Variants in MERTK observed in about 807,000 individuals in gnomAD.
The protein encoded by MERTK is tyrosine-protein kinase Mer.
Under a neutral mutation model 99.3 loss-of-function variants are expected in MERTK, and 69 were observed. The ratio of observed to expected loss-of-function variants is 0.70; its 90% CI spans 0.57 to 0.85. MERTK has a LOEUF of 0.85. Among genes scored for constraint, MERTK ranks in the 40% least tolerant of loss-of-function variants. The pLI is 0.00. For missense variants in MERTK, 1,125 were observed against 1,249.4 expected, an observed-to-expected ratio of 0.90 and a Z score of 1.50; for synonymous variants, 426 against 467.6, an observed-to-expected ratio of 0.91 and a Z score of 1.15.
intron 1 of MERTK, among the ~76,000 whole-genome samples, chr2:111,921,170 G>A (rs1019866590): frequency 6.6e-6 from 1 of 152,118 alleles, no homozygotes; most frequent in African/African-American, 2.4e-5. Flanking sequence ...CACTGGTCTA[G>A]GTTCTGCGTT....
intron 6 of MERTK, among the ~76,000 whole-genome samples, chr2:111,969,805 C>T (rs1676054249): frequency 6.6e-6 from 1 of 151,836 alleles, no homozygotes; most frequent in Non-Finnish European, 1.5e-5. Flanking sequence ...CATTCTCCTG[C>T]CTCAGCCTCC....
At chr2:111,926,575 A>G (rs1684571746) in intron 1 of MERTK, among the ~76,000 whole-genome samples, 1 of 147,440 alleles carries the variant, frequency 6.8e-6, no homozygotes, top group Non-Finnish European at 1.5e-5. Flanking sequence ...AAAAATACAC[A>G]GATTAGCCGG....
chr2:111,939,223 G>A (rs1418083837), intron 2 of MERTK, among the ~76,000 whole-genome samples: 1 of 152,106 alleles, frequency 6.6e-6, no homozygotes, highest in African/African-American at 2.4e-5. Flanking sequence ...GCATCACACG[G>A]CGAGGGGGCT....
chr2:111,946,989 C>T (rs972897784), intron 3 of MERTK, among the ~76,000 whole-genome samples: 5 of 152,156 alleles, frequency 3.3e-5, no homozygotes, highest in African/African-American at 9.7e-5. Flanking sequence ...CTCTTGTTTG[C>T]CAAGGCTGGG....
chr2:111,917,038 A>G (rs184380663), intron 1 of MERTK, among the ~76,000 whole-genome samples: 4 of 152,218 alleles, frequency 2.6e-5, no homozygotes, highest in African/African-American at 7.2e-5. Flanking sequence ...TTCTGTTCCA[A>G]TTCTTCCCCA....
intron 3 of MERTK, among the ~76,000 whole-genome samples, chr2:111,946,797 G>A (rs1374382984): frequency 1.3e-5 from 2 of 152,216 alleles, no homozygotes. Context: ...TGTAAGAACT[G>A]CCTGTGGCCT....
intron 5 of MERTK, among the ~76,000 whole-genome samples, chr2:111,967,174 C>G (rs1365053794): frequency 6.6e-6 from 1 of 152,198 alleles, no homozygotes; most frequent in African/African-American, 2.4e-5. Context: ...TTGAGGGACA[C>G]AAGCTCCAGG....
chr2:111,992,750 CAAA>C (rs35097651), intron 8 of MERTK, among the ~76,000 whole-genome samples: 11 of 104,634 alleles, frequency 1.1e-4, no homozygotes, highest in Admixed American at 2.1e-4. Flanking sequence ...GACTCCGTCT[CAAA>C]AAAAAAAAAA....
At chr2:111,976,090 T>G (rs1235165066) in intron 7 of MERTK, among the ~76,000 whole-genome samples, 1 of 152,222 alleles carries the variant, frequency 6.6e-6, no homozygotes, top group African/African-American at 2.4e-5. Flanking sequence ...ATACTTATAT[T>G]TACCAGTTTA....
At chr2:111,982,781 T>C in intron 7 of MERTK, 61 bp from the exon 8 acceptor site, 1 of 1,576,516 alleles carries the variant, frequency 6.3e-7, no homozygotes, top group Non-Finnish European at 8.7e-7. Flanking sequence ...AAAACCCAGA[T>C]GAGAATACAT....
chr2:111,899,170 G>A (rs1683988736), intron 1 of MERTK, among the ~76,000 whole-genome samples: 1 of 152,218 alleles, frequency 6.6e-6, no homozygotes, highest in South Asian at 2.1e-4. Flanking sequence ...GATGCGACGA[G>A]AACTTTCCAC....
At position 111,945,075 on chromosome 2, in the gene MERTK, C is replaced by T. The variant is rs1233358952; in HGVS notation, c.583+15C>T. Reference sequence around the variant, plus strand: ...CGAAGTACAAGGTAAGTCCACAGACCAGAGTCCCATTGCCAGAGAACTGTT... The same window carrying T: ...CGAAGTACAAGGTAAGTCCACAGACTAGAGTCCCATTGCCAGAGAACTGTT... On this transcript the variant is annotated intron_variant, in intron 3 of 18. Coordinates refer to ENST00000295408, the MANE Select transcript of MERTK (RefSeq NM_006343.3). 6.3e-7 allele frequency: 1 copy of T among 1,587,158 alleles called. No homozygotes were observed. Among genetic ancestry groups the T allele is most frequent in the Non-Finnish European group, 8.7e-7 (1 of 1,156,016 alleles).
At position 112,003,092 on chromosome 2, in the gene MERTK, T is replaced by C. The variant is rs200794038; in HGVS notation, c.1691T>C (p.Leu564Ser). The change falls in exon 12 of 19, where the codon TTA becomes TCA. Residue 564 changes from leucine to serine, a missense_variant and splice_region_variant. Transcript: ENST00000295408. ...SFCRRAIELT[L>S]HSLGVSEELQ... is the part of the protein sequence containing the mutation. ...ACATACTATGTTACTCCTTTTTCAG[T>C]ACATAGCTTGGGAGTCAGTGAGGAA... The C allele has an allele frequency of 1.6e-5, 23 of 1,470,904 alleles. No homozygotes were observed. The East Asian group carries it at 4.3e-4, about 28-fold the overall frequency. 91.1% of individuals were successfully genotyped at this position (1,470,904 alleles called of 1,614,324 possible). A position where few individuals can be genotyped will look rare whatever the true frequency, so the allele number is the denominator to read the frequency against.
At chr2:111,981,386 G>A (rs1676368219) in intron 7 of MERTK, among the ~76,000 whole-genome samples, 1 of 152,042 alleles carries the variant, frequency 6.6e-6, no homozygotes, top group African/African-American at 2.4e-5. Flanking sequence ...GAGGTAGTAA[G>A]TATTCCATTG....
intron 10 of MERTK, among the ~76,000 whole-genome samples, chr2:111,999,624 A>G (rs1389008900): frequency 1.3e-5 from 2 of 152,216 alleles, no homozygotes; most frequent in Admixed American, 1.3e-4. Context: ...AATTTTACAG[A>G]AACATTGAGA....
intron 4 of MERTK, among the ~76,000 whole-genome samples, chr2:111,958,010 G>A (rs1685181603): frequency 2.0e-5 from 3 of 152,166 alleles, no homozygotes; most frequent in Admixed American, 2.0e-4. Context: ...ATCTGTCAGA[G>A]CTGTGTCATA....
rs753090513 is a variant in MERTK, at chr2:112,001,278, A to G, written c.1682A>G (p.Glu561Gly). ...AKKSFCRRAI[E>G]LTLHSLGVSE... ...AAATCCTTCTGTCGGCGAGCCATTGAACTTACCTGTAAGTTGACTTTCATT... is the reference window on the plus strand; with the variant it reads ...AAATCCTTCTGTCGGCGAGCCATTGGACTTACCTGTAAGTTGACTTTCATT... The change falls in exon 11 of 19, where the codon GAA (glutamate) becomes GGA (glycine). Residue 561 changes from glutamate to glycine, a missense_variant. Transcript: ENST00000295408. 2.4e-5 allele frequency: 38 copies of G among 1,612,292 alleles called. 1 individual carries two copies. In the East Asian group the frequency reaches 5.8e-4, roughly 25 times the overall value.
Position 111,954,461 on chromosome 2 carries a change from AT to A in MERTK, c.757+6896del, listed in dbSNP as rs1303317335. Among the ~76,000 whole-genome samples the A allele has an allele frequency of 2.0e-5, 3 of 152,178 alleles. No homozygotes were observed. In the East Asian group the frequency reaches 5.8e-4, roughly 29 times the overall value. The stretch of plus-strand genomic sequence containing the variant: ...AAGAAGACTTACTAATCAAGTGATT[AT>A]TATGTATGATTTATTAGTTAGGTTA... On this transcript the variant is annotated intron_variant, in intron 4 of 18. Coordinates refer to ENST00000295408, the MANE Select transcript of MERTK (RefSeq NM_006343.3).
chr2:112,027,296 ATG>A (rs201734486), intron 18 of MERTK, among the ~76,000 whole-genome samples: 15 of 146,748 alleles, frequency 1.0e-4, no homozygotes, highest in South Asian at 2.1e-4. Flanking sequence ...GTGTGTGTAT[ATG>A]TGTGTGTGTG....
Sources: allele counts gnomAD v4.1 joint callset (sites outside exome capture counted in the v4.1 genomes callset), GRCh38; gene constraint gnomAD v4.1.1; transcripts MANE v1.5; gene names NCBI Gene and HGNC (gene_info 2026-07-23, HGNC 2026-07-21).